The following TLN2 variants were observed in gnomAD, a reference collection of about 807,000 sequenced individuals.
TLN2 encodes the protein talin 2, also known as talin-2.
Under a neutral mutation model 294.7 loss-of-function variants are expected in TLN2, and 118 were observed. That is an observed-to-expected ratio of 0.40 (90% CI 0.34 to 0.47). TLN2 has a LOEUF of 0.47. TLN2 is among the 20% of genes least tolerant of loss of function. The pLI is 0.84. For missense variants in TLN2, 3,083 were observed against 3,282.2 expected, an observed-to-expected ratio of 0.94 and a Z score of 1.48; for synonymous variants, 1,431 against 1,304.5, an observed-to-expected ratio of 1.10 and a Z score of -2.09.
chr15:62,757,429 A>T, intron 37 of TLN2, among the ~76,000 whole-genome samples: 1 of 152,214 alleles, frequency 6.6e-6, no homozygotes, highest in Non-Finnish European at 1.5e-5. Flanking sequence ...TCTCAGTTAA[A>T]ATCAATCATT....
At chr15:62,702,453 A>G (rs1198027054) in intron 18 of TLN2, among the ~76,000 whole-genome samples, 1 of 152,212 alleles carries the variant, frequency 6.6e-6, no homozygotes, top group Non-Finnish European at 1.5e-5. Flanking sequence ...AACACACATG[A>G]CTAATACGCA....
At chr15:62,714,498 A>G (rs1190407385) in intron 22 of TLN2, among the ~76,000 whole-genome samples, 1 of 152,010 alleles carries the variant, frequency 6.6e-6, no homozygotes, top group East Asian at 1.9e-4. Context: ...CACCGCGCCC[A>G]GCCACGTTTT....
chr15:62,463,838 G>C (rs2036956529), intron 1 of TLN2, among the ~76,000 whole-genome samples: 1 of 152,204 alleles, frequency 6.6e-6, no homozygotes, highest in Non-Finnish European at 1.5e-5. Flanking sequence ...AGTGAGCTGA[G>C]ATCGCGCCAC....
Position 62,483,073 on chromosome 15 carries a change from G to T in TLN2, c.-238+92388G>T, listed in dbSNP as rs979358484. On this transcript the variant is annotated intron_variant, in intron 1 of 58. Coordinates refer to ENST00000636159, the MANE Select transcript of TLN2 (RefSeq NM_015059.3). ...CTTCCTTGCCCAGTTCCCTTCCTCT[G>T]TTCTTGCTCAGAGGGAAGCTCCTTT... Among the ~76,000 whole-genome samples the T allele has an allele frequency of 4.6e-5, 7 of 152,300 alleles. No individual in the cohort carries two copies. The South Asian group carries it at 1.5e-3, about 32-fold the overall frequency.
chr15:62,534,317 G>C (rs1438908663), intron 1 of TLN2, among the ~76,000 whole-genome samples: 2 of 152,214 alleles, frequency 1.3e-5, no homozygotes, highest in Non-Finnish European at 2.9e-5. Flanking sequence ...GATGCCAGTG[G>C]CCAGCACAGA....
intron 54 of TLN2, among the ~76,000 whole-genome samples, chr15:62,825,205 C>T (rs1210910340): frequency 2.6e-5 from 4 of 152,196 alleles, no homozygotes; most frequent in African/African-American, 9.6e-5. Context: ...ATCAGTCCCT[C>T]CTTCACACAG....
chr15:62,792,642 T>G lies in TLN2; in HGVS notation c.5738T>G (p.Ile1913Ser). Residue 1913 changes from isoleucine to serine, a missense_variant and splice_region_variant, in exon 46 of 59, where the codon ATC becomes AGC. Coordinates refer to ENST00000636159, the MANE Select transcript of TLN2 (RefSeq NM_015059.3). ...MAAATAEPEE[I>S]GFQIRTRVQD... ...CCCATCCTGGGCTTGCCTCTGCAGATCGGATTCCAGATTCGCACTCGTGTG... is the reference window on the plus strand; with the variant it reads ...CCCATCCTGGGCTTGCCTCTGCAGAGCGGATTCCAGATTCGCACTCGTGTG... The G allele has an allele frequency of 6.2e-7, 1 of 1,612,908 alleles. No homozygotes were observed. Among genetic ancestry groups the G allele is most frequent in the Non-Finnish European group, 8.5e-7 (1 of 1,179,738 alleles).
At chr15:62,485,909 G>A (rs1473980770) in intron 1 of TLN2, among the ~76,000 whole-genome samples, 2 of 152,080 alleles carry the variant, frequency 1.3e-5, no homozygotes, top group Non-Finnish European at 2.9e-5. Flanking sequence ...GGGGTGCTTT[G>A]CTTTATTTAA....
chr15:62,789,235 T>C (rs1226950758), intron 45 of TLN2, among the ~76,000 whole-genome samples: 2 of 152,186 alleles, frequency 1.3e-5, no homozygotes, highest in African/African-American at 4.8e-5. Context: ...TCCAGGTACC[T>C]AGATGACAGT....
intron 14 of TLN2, 132 bp from the exon 15 acceptor site, chr15:62,697,556 C>T (rs28647240): frequency 0.051 from 47,012 of 915,144 alleles, 2,760 homozygotes; most frequent in African/African-American, 0.25. Flanking sequence ...TCCTGCTTCT[C>T]AGTCTGTATG....
intron 1 of TLN2, among the ~76,000 whole-genome samples, chr15:62,405,310 A>G (rs289140): frequency 0.93 from 140,789 of 152,172 alleles, 65,621 homozygotes; most frequent in East Asian, 1. Context: ...AGGGTTTCCT[A>G]TAGAGGGTGA....
intron 22 of TLN2, among the ~76,000 whole-genome samples, chr15:62,713,019 C>G (rs533797731): frequency 6.6e-6 from 1 of 152,250 alleles, no homozygotes; most frequent in East Asian, 1.9e-4. Context: ...GTAATCCCAG[C>G]ACTTTTGGGA....
Position 62,745,044 on chromosome 15 carries a change from G to A in TLN2, c.4026-3307G>A, listed in dbSNP as rs190416045. Among the ~76,000 whole-genome samples the A allele has an allele frequency of 8.5e-5, 13 of 152,236 alleles. No individual in the cohort carries two copies. In the South Asian group the frequency reaches 1.5e-3, roughly 17 times the overall value. On this transcript the variant is annotated intron_variant, in intron 32 of 58. Coordinates refer to ENST00000636159, the MANE Select transcript of TLN2 (RefSeq NM_015059.3). ...AATAGGTAATCAGAAGCACAAAGTG[G>A]TTGATTTTCTTCTCACACTCCACCC...
At chr15:62,694,745 T>C (rs2058201324) in intron 14 of TLN2, among the ~76,000 whole-genome samples, 1 of 152,202 alleles carries the variant, frequency 6.6e-6, no homozygotes, top group Non-Finnish European at 1.5e-5. Context: ...GAGCCTCTGT[T>C]TGATTCTGGC....
intron 1 of TLN2, among the ~76,000 whole-genome samples, chr15:62,400,069 C>T (rs1022642993): frequency 4.6e-5 from 7 of 152,156 alleles, no homozygotes; most frequent in East Asian, 1.9e-4. Flanking sequence ...ATTATGGGGG[C>T]GGTTACCGCC....
intron 45 of TLN2, among the ~76,000 whole-genome samples, chr15:62,786,286 C>T (rs577268124): frequency 2.6e-5 from 4 of 152,336 alleles, no homozygotes; most frequent in African/African-American, 9.6e-5. Flanking sequence ...GCTCCCTTCG[C>T]TGCAGTCCCG....
At chr15:62,702,566 A>G (rs1216615501) in intron 18 of TLN2, among the ~76,000 whole-genome samples, 200 bp from the exon 19 acceptor site, 1 of 152,168 alleles carries the variant, frequency 6.6e-6, no homozygotes, top group African/African-American at 2.4e-5. Context: ...CCATACAACT[A>G]TATTGCTGGT....
At chr15:62,773,523 G>A (rs2063491287) in intron 42 of TLN2, among the ~76,000 whole-genome samples, 1 of 152,056 alleles carries the variant, frequency 6.6e-6, no homozygotes, top group African/African-American at 2.4e-5. Flanking sequence ...CTACAAGTCT[G>A]CTTTTTTCAA....
chr15:62,836,187 C>T, intron 57 of TLN2, 114 bp downstream of exon 57: 1 of 1,430,878 alleles, frequency 7.0e-7, no homozygotes, highest in Middle Eastern at 2.3e-4. Context: ...ATCAGCCAGC[C>T]CTGTCCACGT....
Sources: allele counts gnomAD v4.1 joint callset (sites outside exome capture counted in the v4.1 genomes callset), GRCh38; gene constraint gnomAD v4.1.1; transcripts MANE v1.5; gene names NCBI Gene and HGNC (gene_info 2026-07-23, HGNC 2026-07-21).